Variants in CTNNA2 observed in about 807,000 individuals in gnomAD.
CTNNA2 encodes the protein catenin alpha 2.
A neutral mutation model predicts 101.0 loss-of-function variants in CTNNA2; 42 were observed. The observed-to-expected ratio is 0.42, with a 90% CI of 0.32 to 0.54. The LOEUF is 0.54. CTNNA2 is among the 20% of genes least tolerant of loss of function. The pLI is 0.14. For synonymous variants in CTNNA2, 450 were observed against 456.4 expected (o/e 0.99, Z 0.18); for missense variants, 871 against 1,223.1 (o/e 0.71, Z 4.29).
chr2:79,977,464 C>T (rs1196889094), intron 7 of CTNNA2, among the ~76,000 whole-genome samples: 2 of 152,098 alleles, frequency 1.3e-5, no homozygotes, highest in Non-Finnish European at 2.9e-5. Flanking sequence ...GAGAATGATC[C>T]AGCCCAGAAG....
Position 79,231,206 on chromosome 2 carries a change from A to G in CTNNA2, c.-406+33130A>G, listed in dbSNP as rs141541067. ...TGGCTGTGCCCCCACCCAAATCTCA[A>G]CTTGAATTGTATCTCCCAAAATTCC... is the stretch of plus-strand genomic sequence containing the variant. On this transcript the variant is annotated intron_variant, in intron 2 of 21. Transcript: ENST00000466387. Among the ~76,000 whole-genome samples, 9 of 152,330 alleles carry G rather than the reference A, an allele frequency of 5.9e-5. 1 individual carries two copies. The highest frequency in any genetic ancestry group is 2.2e-4 in the African/African-American group (9 of 41,578).
intron 2 of CTNNA2, among the ~76,000 whole-genome samples, chr2:79,311,181 G>A (rs13404906): frequency 0.15 from 22,573 of 152,010 alleles, 1,781 homozygotes; most frequent in East Asian, 0.17. Flanking sequence ...AGGCCGAGGC[G>A]GGCGGATCAC....
At chr2:79,437,395 C>T (rs1350902685) in intron 4 of CTNNA2, among the ~76,000 whole-genome samples, 1 of 152,172 alleles carries the variant, frequency 6.6e-6, no homozygotes, top group African/African-American at 2.4e-5. Context: ...TGAGATCCTG[C>T]ATTCCTCACA....
At chr2:80,369,347 A>C (rs982870475) in intron 7 of CTNNA2, among the ~76,000 whole-genome samples, 1 of 152,254 alleles carries the variant, frequency 6.6e-6, no homozygotes, top group South Asian at 2.1e-4. Flanking sequence ...TCTGTATCTT[A>C]GAAAGTTGGG....
chr2:80,402,385 C>A (rs1678634729), intron 8 of CTNNA2, among the ~76,000 whole-genome samples: 1 of 152,162 alleles, frequency 6.6e-6, no homozygotes, highest in African/African-American at 2.4e-5. Context: ...CAGCTTCTCT[C>A]ACCTCTCTGG....
intron 3 of CTNNA2, among the ~76,000 whole-genome samples, chr2:79,341,438 C>G (rs1289650335): frequency 6.6e-6 from 1 of 152,098 alleles, no homozygotes; most frequent in Non-Finnish European, 1.5e-5. Flanking sequence ...ATGAGGCATA[C>G]TGATTAAGAA....
At chr2:79,411,751 A>C (rs926901537) in intron 4 of CTNNA2, among the ~76,000 whole-genome samples, 1 of 152,156 alleles carries the variant, frequency 6.6e-6, no homozygotes, top group African/African-American at 2.4e-5. Flanking sequence ...GGAAACACTA[A>C]ACATGGAAAG....
At chr2:79,845,909 G>C (rs1680196399) in intron 3 of CTNNA2, among the ~76,000 whole-genome samples, 1 of 152,070 alleles carries the variant, frequency 6.6e-6, no homozygotes, top group Admixed American at 6.6e-5. Context: ...TGGTGACGTG[G>C]GGACCTCCCA....
At chr2:80,335,284 A>C (rs1003044946) in intron 7 of CTNNA2, among the ~76,000 whole-genome samples, 5 of 152,212 alleles carry the variant, frequency 3.3e-5, no homozygotes, top group African/African-American at 1.2e-4. Flanking sequence ...GAGTAGTTGC[A>C]TTTTTAATAA....
intron 7 of CTNNA2, among the ~76,000 whole-genome samples, chr2:80,314,547 G>A (rs1251053872): frequency 6.6e-6 from 1 of 152,192 alleles, no homozygotes; most frequent in Non-Finnish European, 1.5e-5. Context: ...TGAACTTCAT[G>A]TGGCTGTGGA....
At chr2:79,815,034 G>A (rs754007609) in intron 3 of CTNNA2, among the ~76,000 whole-genome samples, 8 of 152,132 alleles carry the variant, frequency 5.3e-5, no homozygotes, top group Non-Finnish European at 8.8e-5. Flanking sequence ...TGGTGATGTT[G>A]AGCATTTTTT....
chr2:79,191,328 A>C (rs1673867052), intron 1 of CTNNA2, among the ~76,000 whole-genome samples: 1 of 152,246 alleles, frequency 6.6e-6, no homozygotes, highest in Non-Finnish European at 1.5e-5. Flanking sequence ...CATACACTGT[A>C]ATGGCATATC....
intron 4 of CTNNA2, among the ~76,000 whole-genome samples, chr2:79,438,842 G>A (rs1426427902): frequency 6.6e-6 from 1 of 152,204 alleles, no homozygotes; most frequent in Non-Finnish European, 1.5e-5. Context: ...AGTCTTTAGG[G>A]AAATGTAAAT....
chr2:79,772,830 A>G (rs1415342216), intron 3 of CTNNA2, among the ~76,000 whole-genome samples: 1 of 152,168 alleles, frequency 6.6e-6, no homozygotes, highest in East Asian at 1.9e-4. Context: ...CTCCCAAAGC[A>G]TGTTTGTCCA....
intron 3 of CTNNA2, among the ~76,000 whole-genome samples, chr2:79,770,783 T>C (rs1673514936): frequency 6.6e-6 from 1 of 152,224 alleles, no homozygotes; most frequent in South Asian, 2.1e-4. Context: ...TGGAGCACCT[T>C]GGAGAACTTA....
chr2:80,010,607 T>C lies in CTNNA2; in HGVS notation c.1056+100810T>C, dbSNP rs139270437. Among the ~76,000 whole-genome samples the C allele has an allele frequency of 9.0e-4, 137 of 152,194 alleles. 3 individuals are homozygous for C. In the East Asian group the frequency reaches 0.025, roughly 28 times the overall value. On this transcript the variant is annotated intron_variant, in intron 7 of 18. Coordinates refer to ENST00000402739, the MANE Select transcript of CTNNA2 (RefSeq NM_001282597.3). ...GTGTGAGCCATGTGCCCAGGAACAT[T>C]AAGTGATTTTAGCAAGTGTAATAAT... is the stretch of plus-strand genomic sequence containing the variant.
intron 7 of CTNNA2, among the ~76,000 whole-genome samples, chr2:80,159,550 A>C (rs1704184741): frequency 6.6e-6 from 1 of 152,136 alleles, no homozygotes; most frequent in Non-Finnish European, 1.5e-5. Flanking sequence ...CCTTGCTTGG[A>C]ATGTCCCTTC....
At chr2:80,454,034 A>AT (rs1260189263) in intron 9 of CTNNA2, among the ~76,000 whole-genome samples, 11 of 152,316 alleles carry the variant, frequency 7.2e-5, no homozygotes, top group Admixed American at 7.2e-4. Context: ...AGAAAAAAAA[A>AT]GAAAAGAATA....
intron 8 of CTNNA2, among the ~76,000 whole-genome samples, chr2:80,410,959 G>T (rs566786183): frequency 3.1e-4 from 47 of 152,326 alleles, no homozygotes; most frequent in African/African-American, 9.4e-4. Flanking sequence ...GATTGTCACA[G>T]TATCAAGCTG....
Sources: allele counts gnomAD v4.1 joint callset (sites outside exome capture counted in the v4.1 genomes callset), GRCh38; gene constraint gnomAD v4.1.1; transcripts MANE v1.5; gene names NCBI Gene and HGNC (gene_info 2026-07-23, HGNC 2026-07-21).